Variants in L3MBTL4 observed in about 807,000 individuals in gnomAD.
The protein encoded by L3MBTL4 is lethal(3)malignant brain tumor-like protein 4.
L3MBTL4 carries 70 observed loss-of-function variants against 84.5 expected under a neutral mutation model. The observed-to-expected ratio is 0.83, with a 90% CI of 0.68 to 1.01. L3MBTL4 has a LOEUF of 1.01. Ranked by LOEUF, L3MBTL4 falls within the 50% of genes least tolerant of loss-of-function variation. L3MBTL4 has a pLI of 0.00. For missense variants in L3MBTL4, 715 were observed against 754.8 expected (o/e 0.95, Z 0.62); for synonymous variants, 274 against 259.8 (o/e 1.05, Z -0.52).
intron 6 of L3MBTL4, among the ~76,000 whole-genome samples, chr18:6,243,986 G>A (rs1490910048): frequency 2.0e-5 from 3 of 152,044 alleles, no homozygotes; most frequent in African/African-American, 7.2e-5. Context: ...TATGTTCAAT[G>A]CTATCAGAAA....
intron 12 of L3MBTL4, among the ~76,000 whole-genome samples, chr18:6,185,971 T>TTTA (rs1555682243): frequency 2.1e-5 from 3 of 140,868 alleles, no homozygotes; most frequent in Admixed American, 6.9e-5. Flanking sequence ...TTTATTTTAT[T>TTTA]TTATTTTATT....
chr18:6,230,081 A>G (rs1297190682), intron 10 of L3MBTL4, among the ~76,000 whole-genome samples: 1 of 152,056 alleles, frequency 6.6e-6, no homozygotes, highest in Admixed American at 6.6e-5. Context: ...GACTTTTTTT[A>G]AACTTTTATT....
At chr18:5,997,280 C>G (rs1355011770) in intron 16 of L3MBTL4, among the ~76,000 whole-genome samples, 2 of 150,408 alleles carry the variant, frequency 1.3e-5, no homozygotes, top group Non-Finnish European at 2.9e-5. Flanking sequence ...CTATGTCAGG[C>G]AAACTCGCCT....
chr18:6,098,064 C>T (rs1187152867), intron 14 of L3MBTL4, among the ~76,000 whole-genome samples: 2 of 152,156 alleles, frequency 1.3e-5, no homozygotes, highest in Non-Finnish European at 1.5e-5. Context: ...TTGCCAAACC[C>T]CTTGGATACC....
intron 16 of L3MBTL4, among the ~76,000 whole-genome samples, chr18:6,013,653 T>A (rs2145415030): frequency 6.6e-6 from 1 of 152,360 alleles, no homozygotes. Flanking sequence ...CTTGAAGTAC[T>A]GCATATGCCT....
intron 12 of L3MBTL4, among the ~76,000 whole-genome samples, chr18:6,188,563 CAG>C (rs2044899695): frequency 6.6e-6 from 1 of 152,286 alleles, no homozygotes; most frequent in South Asian, 2.1e-4. Flanking sequence ...CCTAAGTGAG[CAG>C]AGAGATCAGC....
chr18:5,984,940 A>T (rs368090019), intron 16 of L3MBTL4, among the ~76,000 whole-genome samples: 2 of 152,058 alleles, frequency 1.3e-5, no homozygotes, highest in African/African-American at 4.8e-5. Flanking sequence ...GCCTCAAACT[A>T]TGCTGTCTTA....
chr18:6,390,661 A>G (rs966886434), intron 1 of L3MBTL4, among the ~76,000 whole-genome samples: 4 of 152,194 alleles, frequency 2.6e-5, no homozygotes, highest in Non-Finnish European at 1.5e-5. Flanking sequence ...AACCAACACC[A>G]CAGAAATACA....
intron 1 of L3MBTL4, among the ~76,000 whole-genome samples, chr18:6,370,750 C>A (rs1203049907): frequency 6.6e-6 from 1 of 152,338 alleles, no homozygotes; most frequent in Middle Eastern, 3.4e-3. Context: ...ACAGGCCACA[C>A]TGTCCCCAGT....
intron 16 of L3MBTL4, among the ~76,000 whole-genome samples, chr18:6,062,959 CA>C (rs1227875422): frequency 2.0e-5 from 3 of 151,684 alleles, no homozygotes; most frequent in Non-Finnish European, 1.5e-5. Context: ...ACCTAATATG[CA>C]GTCAATCTTT....
intron 3 of L3MBTL4, among the ~76,000 whole-genome samples, chr18:6,308,371 A>G (rs1269502691): frequency 3.3e-5 from 5 of 152,246 alleles, no homozygotes; most frequent in African/African-American, 9.6e-5. Context: ...TTGGAGGATG[A>G]TACCTAGTGG....
chr18:6,215,656 GA>G, intron 11 of L3MBTL4, 93 bp downstream of exon 11: 1 of 589,536 alleles, frequency 1.7e-6, no homozygotes. Flanking sequence ...AATTTAGAAA[GA>G]AAAAACTAGA....
chr18:6,080,484 C>T (rs1179767795), intron 16 of L3MBTL4, among the ~76,000 whole-genome samples: 3 of 152,194 alleles, frequency 2.0e-5, no homozygotes, highest in Non-Finnish European at 4.4e-5. Context: ...ACTCTTCTAG[C>T]CTTTCTTACT....
At chr18:6,227,072 G>C (rs1450329229) in intron 10 of L3MBTL4, among the ~76,000 whole-genome samples, 1 of 151,986 alleles carries the variant, frequency 6.6e-6, no homozygotes, top group African/African-American at 2.4e-5. Flanking sequence ...AAAAATAAAG[G>C]GGACAATTCT....
intron 12 of L3MBTL4, among the ~76,000 whole-genome samples, chr18:6,205,048 G>A (rs977176726): frequency 6.6e-6 from 1 of 152,224 alleles, no homozygotes; most frequent in East Asian, 1.9e-4. Flanking sequence ...CCTGAAAGCT[G>A]TGAATAGGTC....
In L3MBTL4 at chr18:6,311,653, T is replaced by C. The variant is rs1568473569; in HGVS notation, c.-28A>G. The C allele has an allele frequency of 6.3e-7, 1 of 1,596,796 alleles. No homozygotes were observed. The highest frequency in any genetic ancestry group is 8.6e-7 in the Non-Finnish European group (1 of 1,164,470). ...CCACCCCCGCACTCCTTGGCAGTGG[T>C]TTTCTGTAAAACAGGGTTACATAAG... On this transcript the variant is annotated 5_prime_UTR_variant, in exon 3 of 19. Transcript: ENST00000317931.
intron 1 of L3MBTL4, among the ~76,000 whole-genome samples, chr18:6,389,010 C>T (rs341205): frequency 6.6e-6 from 1 of 151,884 alleles, no homozygotes; most frequent in East Asian, 1.9e-4. Context: ...AGGAAACTAT[C>T]GTTTGTGATC....
chr18:6,412,319 G>A (rs1322044123), intron 1 of L3MBTL4, among the ~76,000 whole-genome samples: 1 of 152,006 alleles, frequency 6.6e-6, no homozygotes, highest in African/African-American at 2.4e-5. Flanking sequence ...TACCTCTCCT[G>A]CTCACTCCCC....
intron 1 of L3MBTL4, among the ~76,000 whole-genome samples, chr18:6,385,987 A>G (rs887000601): frequency 5.3e-5 from 8 of 152,226 alleles, no homozygotes; most frequent in African/African-American, 1.9e-4. Context: ...GACACTCAAA[A>G]GCACCTGAAC....
Sources: allele counts gnomAD v4.1 joint callset (sites outside exome capture counted in the v4.1 genomes callset), GRCh38; gene constraint gnomAD v4.1.1; transcripts MANE v1.5; gene names NCBI Gene and HGNC (gene_info 2026-07-23, HGNC 2026-07-21).